NSMCE2: variants seen among roughly 807,000 people sequenced by gnomAD.
The protein encoded by NSMCE2 is E3 SUMO-protein ligase NSE2.
Under a neutral mutation model 23.8 loss-of-function variants are expected in NSMCE2, and 24 were observed. The observed-to-expected ratio is 1.01, with a 90% CI of 0.73 to 1.42. The LOEUF is 1.42. Among genes scored for constraint, NSMCE2 ranks in the 40% most tolerant of loss-of-function variants. The pLI, the probability that NSMCE2 is intolerant of heterozygous loss-of-function variation, is 0.00. For synonymous variants in NSMCE2, 92 were observed against 94.1 expected (o/e 0.98, Z 0.13); for missense variants, 284 against 296.5 (o/e 0.96, Z 0.31).
intron 3 of NSMCE2, among the ~76,000 whole-genome samples, chr8:125,114,791 A>G (rs755689707): frequency 5.3e-5 from 8 of 152,244 alleles, no homozygotes; most frequent in Non-Finnish European, 1.0e-4. Flanking sequence ...ATACACATAC[A>G]TACACATACA....
chr8:125,218,521 C>T (rs1824704386), intron 5 of NSMCE2, among the ~76,000 whole-genome samples: 1 of 151,496 alleles, frequency 6.6e-6, no homozygotes, highest in Non-Finnish European at 1.5e-5. Flanking sequence ...AAGCAATTCT[C>T]ATGCCTCAGC....
At chr8:125,176,459 C>CT (rs934917476) in intron 4 of NSMCE2, among the ~76,000 whole-genome samples, 19 of 151,798 alleles carry the variant, frequency 1.3e-4, no homozygotes, top group African/African-American at 2.9e-4. Context: ...GGTCTTGGTC[C>CT]TTTTTTTTGT....
intron 5 of NSMCE2, among the ~76,000 whole-genome samples, chr8:125,211,283 T>C (rs186430661): frequency 1.6e-3 from 239 of 152,348 alleles, no homozygotes; most frequent in African/African-American, 4.9e-3. Flanking sequence ...TGGAAACAGT[T>C]ACTCTTACCA....
chr8:125,102,582 T>C, intron 3 of NSMCE2, 95 bp downstream of exon 3: 2 of 923,978 alleles, frequency 2.2e-6, no homozygotes, highest in South Asian at 2.9e-5. Context: ...CTTGGGGGAA[T>C]GATTTAACCC....
At chr8:125,235,548 A>G (rs1194371440) in intron 5 of NSMCE2, among the ~76,000 whole-genome samples, 1 of 152,230 alleles carries the variant, frequency 6.6e-6, no homozygotes, top group African/African-American at 2.4e-5. Context: ...GAGAGGTTAT[A>G]TATAGATGTA....
intron 5 of NSMCE2, among the ~76,000 whole-genome samples, chr8:125,190,904 C>T (rs1277618552): frequency 6.6e-6 from 1 of 152,080 alleles, no homozygotes; most frequent in Non-Finnish European, 1.5e-5. Flanking sequence ...GAGTTTCGCT[C>T]TTATTGCCCA....
intron 5 of NSMCE2, among the ~76,000 whole-genome samples, chr8:125,279,007 C>G (rs1399506170): frequency 6.6e-6 from 1 of 151,966 alleles, no homozygotes; most frequent in Non-Finnish European, 1.5e-5. Flanking sequence ...TTTGTATAAT[C>G]ATTATATTAG....
chr8:125,100,397 T>A (rs1242593856), intron 1 of NSMCE2, among the ~76,000 whole-genome samples: 2 of 152,140 alleles, frequency 1.3e-5, no homozygotes, highest in Non-Finnish European at 2.9e-5. Flanking sequence ...TCCTTTAAAC[T>A]CAGTTCTATG....
chr8:125,159,837 G>A (rs1051402408), intron 4 of NSMCE2, among the ~76,000 whole-genome samples: 2 of 152,036 alleles, frequency 1.3e-5, no homozygotes, highest in African/African-American at 2.4e-5. Context: ...GCATATGCCC[G>A]TAGTCCCAGA....
At chr8:125,301,655 T>TTTG (rs1563772059) in intron 5 of NSMCE2, among the ~76,000 whole-genome samples, 1 of 126,478 alleles carries the variant, frequency 7.9e-6, no homozygotes, top group African/African-American at 3.2e-5. Flanking sequence ...ACAAGCCATT[T>TTTG]TTTTTTTTTT....
intron 5 of NSMCE2, among the ~76,000 whole-genome samples, chr8:125,292,287 G>C (rs1029506772): frequency 1.3e-5 from 2 of 152,080 alleles, no homozygotes; most frequent in African/African-American, 4.8e-5. Context: ...GGGAGCAGTG[G>C]CTCACACCTG....
chr8:125,287,939 G>A (rs940157449), intron 5 of NSMCE2, among the ~76,000 whole-genome samples: 1 of 151,554 alleles, frequency 6.6e-6, no homozygotes, highest in African/African-American at 2.4e-5. Context: ...CCTTGTGCGG[G>A]ATCCTTCTCA....
At chr8:125,248,402 G>A (rs369088009) in intron 5 of NSMCE2, among the ~76,000 whole-genome samples, 1 of 152,204 alleles carries the variant, frequency 6.6e-6, no homozygotes, top group Non-Finnish European at 1.5e-5. Flanking sequence ...ACTGCAAGGG[G>A]CAAAATTAAT....
Position 125,312,546 on chromosome 8 carries a change from A to T in NSMCE2, c.419-44673A>T, listed in dbSNP as rs1027747176. Among the ~76,000 whole-genome samples, 8 of 152,290 alleles carry T rather than the reference A, an allele frequency of 5.3e-5. No individual in the cohort carries two copies. In the East Asian group the frequency reaches 1.5e-3, roughly 29 times the overall value. On this transcript the variant is annotated intron_variant, in intron 5 of 7. Transcript: ENST00000287437. Reference sequence around the variant, plus strand: ...AGGCTGAGGCAGGAGAATTGCTTGAACCTGGGAGGCAGAGGTTGCAGTGAG... The same window carrying T: ...AGGCTGAGGCAGGAGAATTGCTTGATCCTGGGAGGCAGAGGTTGCAGTGAG...
At chr8:125,216,679 A>G (rs1342136768) in intron 5 of NSMCE2, among the ~76,000 whole-genome samples, 5 of 151,690 alleles carry the variant, frequency 3.3e-5, no homozygotes, top group African/African-American at 9.7e-5. Context: ...CAAATGCACA[A>G]TGTCATGTGT....
chr8:125,344,268 T>C (rs1408220121), intron 5 of NSMCE2, among the ~76,000 whole-genome samples: 6 of 152,160 alleles, frequency 3.9e-5, no homozygotes, highest in Admixed American at 3.9e-4. Context: ...TCAATATTAT[T>C]TGGTCTCTTG....
At chr8:125,358,970 G>A (rs1813405808) in intron 7 of NSMCE2, among the ~76,000 whole-genome samples, 1 of 152,086 alleles carries the variant, frequency 6.6e-6, no homozygotes, top group Non-Finnish European at 1.5e-5. Context: ...GTTAACAGTT[G>A]AAATGTCAGA....
At chr8:125,110,294 C>A (rs889485193) in intron 3 of NSMCE2, among the ~76,000 whole-genome samples, 1 of 152,192 alleles carries the variant, frequency 6.6e-6, no homozygotes, top group African/African-American at 2.4e-5. Flanking sequence ...TATTTGATAG[C>A]AACATTTAGA....
chr8:125,123,083 G>A (rs1819346631), intron 3 of NSMCE2, among the ~76,000 whole-genome samples: 2 of 152,118 alleles, frequency 1.3e-5, no homozygotes, highest in African/African-American at 4.8e-5. Context: ...TACCTGAAAA[G>A]GGATTATAGG....
Sources: allele counts gnomAD v4.1 joint callset (sites outside exome capture counted in the v4.1 genomes callset), GRCh38; gene constraint gnomAD v4.1.1; transcripts MANE v1.5; gene names NCBI Gene and HGNC (gene_info 2026-07-23, HGNC 2026-07-21).